CDH13: variants seen among roughly 807,000 people sequenced by gnomAD.
CDH13 encodes cadherin-13.
In CDH13, 24 loss-of-function variants were observed where a neutral mutation model predicts 63.8. The ratio of observed to expected loss-of-function variants is 0.38; its 90% CI spans 0.27 to 0.53. The LOEUF (loss-of-function observed/expected upper bound fraction) is 0.53, where lower values mean the gene tolerates loss of function less well. CDH13 is among the 20% of genes least tolerant of loss of function. The pLI is 0.85. For missense variants in CDH13, 1,049 were observed against 903.1 expected, an observed-to-expected ratio of 1.16 and a Z score of -2.07; for synonymous variants, 503 against 355.3, an observed-to-expected ratio of 1.42 and a Z score of -4.67.
rs368076000 is a variant in CDH13 at position 82,939,470 on chromosome 16, AGAGG to A, written c.157+81016_157+81019del. ...GCAAGGGAGAGGGAGGGAGAGGGAG[AGAGG>A]GAGGGAGGGAGGGAGGGAAGGAGGG... is the stretch of plus-strand genomic sequence containing the variant. On this transcript the variant is annotated intron_variant, in intron 2 of 13. Transcript: ENST00000567109. 9.0e-3 allele frequency among the ~76,000 whole-genome samples: 1,068 copies of A among 118,636 alleles called. 7 individuals are homozygous for A. Among genetic ancestry groups the A allele is most frequent in the African/African-American group, 0.031 (986 of 32,026 alleles). The allele number at this position is 118,636 out of a possible 152,430, so 77.8% of individuals were successfully genotyped here. A position where few individuals can be genotyped will look rare whatever the true frequency, so the allele number is the denominator to read the frequency against.
At chr16:83,238,885 T>C (rs1382057884) in intron 5 of CDH13, among the ~76,000 whole-genome samples, 1 of 152,204 alleles carries the variant, frequency 6.6e-6, no homozygotes, top group Non-Finnish European at 1.5e-5. Flanking sequence ...TCTGTCCTGA[T>C]GTTAGTTGGA....
At chr16:83,111,294 T>G (rs7196746) in intron 3 of CDH13, among the ~76,000 whole-genome samples, 5 of 151,968 alleles carry the variant, frequency 3.3e-5, no homozygotes, top group African/African-American at 1.2e-4. Flanking sequence ...CATTGGATAG[T>G]GCCATGATAG....
chr16:82,650,773 T>A (rs932711315), intron 1 of CDH13, among the ~76,000 whole-genome samples: 2 of 152,214 alleles, frequency 1.3e-5, no homozygotes, highest in East Asian at 3.9e-4. Flanking sequence ...ACTGGAGAAG[T>A]TGCACATCCA....
intron 6 of CDH13, among the ~76,000 whole-genome samples, chr16:83,427,127 C>T (rs1373142960): frequency 6.6e-6 from 1 of 151,624 alleles, no homozygotes; most frequent in East Asian, 2.0e-4. Context: ...GGGGTTTCAC[C>T]GTGGTCTCTA....
At chr16:83,433,630 C>G (rs2072196267) in intron 6 of CDH13, among the ~76,000 whole-genome samples, 1 of 152,114 alleles carries the variant, frequency 6.6e-6, no homozygotes, top group Non-Finnish European at 1.5e-5. Context: ...AGTGTAACCA[C>G]CAGAAGATTC....
At chr16:82,828,310 T>C (rs1010966841) in intron 1 of CDH13, among the ~76,000 whole-genome samples, 2 of 152,154 alleles carry the variant, frequency 1.3e-5, no homozygotes, top group African/African-American at 4.8e-5. Flanking sequence ...GCGGATTCAA[T>C]GAACTATGGA....
intron 1 of CDH13, among the ~76,000 whole-genome samples, chr16:82,642,091 C>CAA (rs373359175): frequency 0.011 from 1,214 of 110,200 alleles, 23 homozygotes; most frequent in South Asian, 0.032. Context: ...TCATGGAGGG[C>CAA]AAAAAAAAAA....
intron 7 of CDH13, among the ~76,000 whole-genome samples, chr16:83,575,786 AT>A (rs1448588972): frequency 5.3e-5 from 8 of 152,172 alleles, no homozygotes; most frequent in Admixed American, 1.3e-4. Flanking sequence ...CACCATTAGA[AT>A]TTAGCATAAA....
intron 3 of CDH13, among the ~76,000 whole-genome samples, chr16:83,067,963 A>G (rs2032145421): frequency 6.6e-6 from 1 of 152,088 alleles, no homozygotes; most frequent in Admixed American, 6.6e-5. Flanking sequence ...AGAAGCCTTC[A>G]CCCTCATTCT....
intron 4 of CDH13, among the ~76,000 whole-genome samples, chr16:83,136,652 A>G (rs544313267): frequency 3.4e-4 from 51 of 152,236 alleles, no homozygotes; most frequent in African/African-American, 1.2e-3. Context: ...TCTCTGCCGG[A>G]CAGCTTCAGT....
chr16:83,055,714 T>G (rs1397163446), intron 3 of CDH13, among the ~76,000 whole-genome samples: 2 of 151,800 alleles, frequency 1.3e-5, no homozygotes, highest in East Asian at 3.9e-4. Flanking sequence ...TTCTGTAAAA[T>G]AGAAAAAAAA....
At chr16:83,507,361 G>A (rs1387927373) in intron 7 of CDH13, among the ~76,000 whole-genome samples, 1 of 152,226 alleles carries the variant, frequency 6.6e-6, no homozygotes, top group African/African-American at 2.4e-5. Context: ...AATGAATGAA[G>A]AGTGTGTGTT....
intron 1 of CDH13, among the ~76,000 whole-genome samples, chr16:82,706,371 T>G: frequency 6.6e-6 from 1 of 152,014 alleles, no homozygotes; most frequent in East Asian, 1.9e-4. Flanking sequence ...GGGAATGGCT[T>G]TGGGGAGAAT....
chr16:83,203,093 G>A (rs565210975), intron 4 of CDH13, among the ~76,000 whole-genome samples: 105 of 152,244 alleles, frequency 6.9e-4, no homozygotes, highest in Middle Eastern at 3.4e-3. Context: ...GCATAGTGGT[G>A]CACGCCTGTA....
intron 4 of CDH13, among the ~76,000 whole-genome samples, chr16:83,201,040 G>C (rs995197080): frequency 4.0e-5 from 6 of 150,462 alleles, no homozygotes; most frequent in Non-Finnish European, 8.9e-5. Flanking sequence ...AATATCTCTT[G>C]GAACTCAAGC....
intron 2 of CDH13, among the ~76,000 whole-genome samples, chr16:82,995,847 T>C (rs1332190032): frequency 1.3e-5 from 2 of 152,140 alleles, no homozygotes; most frequent in Admixed American, 1.3e-4. Context: ...TTCAACCCTC[T>C]CGCGGGCTGC....
chr16:82,879,745 A>G (rs1020464223), intron 2 of CDH13, among the ~76,000 whole-genome samples: 3 of 138,600 alleles, frequency 2.2e-5, no homozygotes, highest in Non-Finnish European at 4.5e-5. Context: ...CTGATTATAT[A>G]TGAGTATATA....
intron 1 of CDH13, among the ~76,000 whole-genome samples, chr16:82,807,711 A>G (rs111678085): frequency 0.011 from 1,620 of 152,290 alleles, 28 homozygotes; most frequent in African/African-American, 0.037. Context: ...TGTTTCTTAC[A>G]GAGGATGAAA....
chr16:83,730,209 C>G (rs147812365), intron 10 of CDH13, among the ~76,000 whole-genome samples: 1 of 152,250 alleles, frequency 6.6e-6, no homozygotes, highest in East Asian at 1.9e-4. Flanking sequence ...CTAAATATTT[C>G]AGCCAAATAA....
Sources: gnomAD v4.1 joint callset for allele counts (sites outside exome capture counted in the v4.1 genomes callset) on GRCh38, gnomAD v4.1.1 for gene constraint, MANE v1.5 for transcripts, NCBI Gene and HGNC (gene_info 2026-07-23, HGNC 2026-07-21) for gene names.